ZFAND3: variants seen among roughly 807,000 people sequenced by gnomAD.
The protein encoded by ZFAND3 is zinc finger AN1-type containing 3, also known as AN1-type zinc finger protein 3.
ZFAND3 carries 10 observed loss-of-function variants against 29.6 expected under a neutral mutation model. The ratio of observed to expected loss-of-function variants is 0.34; its 90% CI spans 0.21 to 0.57. The LOEUF (loss-of-function observed/expected upper bound fraction) is 0.57, where lower values mean the gene tolerates loss of function less well. Ranked by LOEUF, ZFAND3 falls within the 20% of genes least tolerant of loss-of-function variation. The pLI, the probability that ZFAND3 is intolerant of heterozygous loss-of-function variation, is 0.86. For synonymous variants in ZFAND3, 128 were observed against 112.6 expected (o/e 1.14, Z -0.87); for missense variants, 230 against 304.5 (o/e 0.76, Z 1.82).
At chr6:37,997,155 C>T (rs1477853848) in intron 2 of ZFAND3, among the ~76,000 whole-genome samples, 1 of 152,114 alleles carries the variant, frequency 6.6e-6, no homozygotes, top group African/African-American at 2.4e-5. Context: ...AGTCATTTTG[C>T]ATATAAATAG....
chr6:37,849,288 T>C (rs1764238947), intron 1 of ZFAND3, among the ~76,000 whole-genome samples: 1 of 152,172 alleles, frequency 6.6e-6, no homozygotes, highest in Non-Finnish European at 1.5e-5. Flanking sequence ...TCTTTTTGAC[T>C]TTTTCCCCTC....
chr6:38,080,599 G>A (rs1380732771), intron 3 of ZFAND3, among the ~76,000 whole-genome samples: 1 of 152,062 alleles, frequency 6.6e-6, no homozygotes, highest in Non-Finnish European at 1.5e-5. Context: ...AAGAAACCGA[G>A]GATCACTTAT....
At chr6:38,023,579 C>T (rs1166035896) in intron 2 of ZFAND3, among the ~76,000 whole-genome samples, 1 of 152,042 alleles carries the variant, frequency 6.6e-6, no homozygotes, top group Non-Finnish European at 1.5e-5. Context: ...GAATGTCCTG[C>T]CTCTAAGCTA....
chr6:38,123,334 C>T (rs1182123390), intron 5 of ZFAND3, among the ~76,000 whole-genome samples: 3 of 152,188 alleles, frequency 2.0e-5, no homozygotes, highest in Admixed American at 6.5e-5. Flanking sequence ...ATCCATTTCA[C>T]CAGCATCAGA....
chr6:38,113,726 CCCTT>C (rs1274365743), intron 4 of ZFAND3, among the ~76,000 whole-genome samples: 4 of 152,122 alleles, frequency 2.6e-5, no homozygotes, highest in African/African-American at 9.7e-5. Context: ...ATATCTAACT[CCCTT>C]ACTTATTTGG....
intron 2 of ZFAND3, among the ~76,000 whole-genome samples, chr6:38,051,974 TA>T (rs1244869056): frequency 4.6e-5 from 7 of 152,226 alleles, no homozygotes; most frequent in Non-Finnish European, 8.8e-5. Flanking sequence ...AAACAAGCCT[TA>T]CTCCAAATAA....
chr6:37,919,862 C>T (rs2127408468), intron 1 of ZFAND3, among the ~76,000 whole-genome samples: 2 of 152,254 alleles, frequency 1.3e-5, no homozygotes, highest in Middle Eastern at 6.8e-3. Context: ...GCTTGACATC[C>T]TTCCATACCT....
At chr6:37,968,166 A>T (rs1762324407) in intron 2 of ZFAND3, among the ~76,000 whole-genome samples, 2 of 152,124 alleles carry the variant, frequency 1.3e-5, no homozygotes, top group South Asian at 4.1e-4. Context: ...ATTGGGATTT[A>T]ATGGGCTATC....
rs1238241710 is a variant in ZFAND3 at position 38,025,672 on chromosome 6, A to ATAT, written c.113-35916_113-35914dup. Among the ~76,000 whole-genome samples the ATAT allele has an allele frequency of 3.3e-5, 5 of 152,354 alleles. No individual in the cohort carries two copies. The East Asian group carries it at 9.6e-4, about 29-fold the overall frequency. ...CCAGTCTCATTCATCCATACAGGGA[A>ATAT]TATTATTCAGAGATATAAAAGAATG... On this transcript the variant is annotated intron_variant, in intron 2 of 5. Coordinates refer to ENST00000287218, the MANE Select transcript of ZFAND3 (RefSeq NM_021943.3).
chr6:38,086,077 T>C (rs1056406541), intron 4 of ZFAND3, among the ~76,000 whole-genome samples: 1 of 152,170 alleles, frequency 6.6e-6, no homozygotes, highest in Non-Finnish European at 1.5e-5. Context: ...GAGAGGCAGC[T>C]CTTTTTTAAG....
chr6:37,839,080 T>C (rs1002836212), intron 1 of ZFAND3, among the ~76,000 whole-genome samples: 7 of 152,358 alleles, frequency 4.6e-5, no homozygotes, highest in Admixed American at 4.6e-4. Flanking sequence ...TCATTAAATA[T>C]GCCCATTGAC....
At chr6:37,884,348 G>T (rs1464883456) in intron 1 of ZFAND3, among the ~76,000 whole-genome samples, 1 of 143,376 alleles carries the variant, frequency 7.0e-6, no homozygotes, top group Non-Finnish European at 1.5e-5. Context: ...TACAAAATTA[G>T]CCAGGCGTGG....
chr6:38,105,576 C>T (rs1765191543), intron 4 of ZFAND3, among the ~76,000 whole-genome samples: 1 of 152,064 alleles, frequency 6.6e-6, no homozygotes, highest in African/African-American at 2.4e-5. Context: ...GGGAAGTGGA[C>T]ATGGCTATAA....
At chr6:37,839,252 C>T (rs538493541) in intron 1 of ZFAND3, among the ~76,000 whole-genome samples, 106 of 151,670 alleles carry the variant, frequency 7.0e-4, no homozygotes, top group African/African-American at 2.5e-3. Context: ...GCGATCTCAG[C>T]TCACTGCAAC....
At chr6:37,900,096 T>C (rs983614383) in intron 1 of ZFAND3, among the ~76,000 whole-genome samples, 2 of 152,216 alleles carry the variant, frequency 1.3e-5, no homozygotes, top group Non-Finnish European at 2.9e-5. Context: ...CAGCATACTT[T>C]AGTCTCTTTT....
chr6:38,019,912 G>A (rs1763317533), intron 2 of ZFAND3, among the ~76,000 whole-genome samples: 2 of 152,050 alleles, frequency 1.3e-5, no homozygotes, highest in African/African-American at 4.8e-5. Context: ...AGTAGAGACG[G>A]TTTCAGTATG....
intron 2 of ZFAND3, among the ~76,000 whole-genome samples, chr6:37,972,117 A>T (rs1452170451): frequency 6.6e-6 from 1 of 152,236 alleles, no homozygotes; most frequent in Non-Finnish European, 1.5e-5. Flanking sequence ...TGGGTTAAAC[A>T]GCCTCTCTCC....
chr6:37,909,368 C>T (rs903962117), intron 1 of ZFAND3, among the ~76,000 whole-genome samples: 1 of 151,534 alleles, frequency 6.6e-6, no homozygotes, highest in African/African-American at 2.4e-5. Context: ...CATCCTCCGC[C>T]TCCCAGGTTC....
intron 2 of ZFAND3, among the ~76,000 whole-genome samples, chr6:38,007,478 G>T (rs1763070652): frequency 6.6e-6 from 1 of 152,064 alleles, no homozygotes; most frequent in Non-Finnish European, 1.5e-5. Context: ...CTAGGAGGTC[G>T]AGGCCACAGT....
Sources: gnomAD v4.1 joint callset for allele counts (sites outside exome capture counted in the v4.1 genomes callset) on GRCh38, gnomAD v4.1.1 for gene constraint, MANE v1.5 for transcripts, NCBI Gene and HGNC (gene_info 2026-07-23, HGNC 2026-07-21) for gene names.